Variants in IPO11 observed in about 807,000 individuals in gnomAD.
IPO11 encodes the protein importin 11.
A neutral mutation model predicts 143.2 loss-of-function variants in IPO11; 66 were observed. The observed-to-expected ratio is 0.46, with a 90% CI of 0.38 to 0.57. The LOEUF (loss-of-function observed/expected upper bound fraction) is 0.57. Ranked by LOEUF, IPO11 falls within the 20% of genes least tolerant of loss-of-function variation. The pLI, the probability that IPO11 is intolerant of heterozygous loss-of-function variation, is 0.00. For synonymous variants in IPO11, 385 were observed against 377.8 expected (o/e 1.02, Z -0.22); for missense variants, 1,026 against 1,141.0 (o/e 0.90, Z 1.45).
At chr5:62,493,815 C>A (rs1741030864) in intron 15 of IPO11, among the ~76,000 whole-genome samples, 183 bp from the exon 16 acceptor site, 1 of 152,086 alleles carries the variant, frequency 6.6e-6, no homozygotes, top group Non-Finnish European at 1.5e-5. Flanking sequence ...GTGATTTGCC[C>A]TCCTTGGCAT....
rs578148008 is a variant in IPO11, at chr5:62,563,276, A to G, written c.2582+2019A>G. Among the ~76,000 whole-genome samples, 6 of 152,290 alleles carry G rather than the reference A, an allele frequency of 3.9e-5. No individual in the cohort carries two copies. The South Asian group carries it at 1.2e-3, about 32-fold the overall frequency. On this transcript the variant is annotated intron_variant, in intron 27 of 29. Coordinates refer to ENST00000325324, the MANE Select transcript of IPO11 (RefSeq NM_016338.5). ...AACATGGTCCTTGGTGGTAGTCAGCACTCTGCTTGTTAGATAAATTAATGA... is the reference window on the plus strand; with the variant it reads ...AACATGGTCCTTGGTGGTAGTCAGCGCTCTGCTTGTTAGATAAATTAATGA...
At chr5:62,596,274 A>AAAAAAAAAAAAAAAAAAAAAAAG (rs1554057521) in intron 28 of IPO11, among the ~76,000 whole-genome samples, 1 of 150,788 alleles carries the variant, frequency 6.6e-6, no homozygotes, top group African/African-American at 2.5e-5. Context: ...GTCTCAAAAA[A>AAAAAAAAAAAAAAAAAAAAAAAG]AAAAAAAAAG....
intron 27 of IPO11, among the ~76,000 whole-genome samples, chr5:62,572,836 G>A (rs990173108): frequency 3.3e-5 from 5 of 152,082 alleles, no homozygotes; most frequent in African/African-American, 1.2e-4. Flanking sequence ...GCCTGCCTGG[G>A]CCTCCCAATA....
chr5:62,560,509 C>T (rs572255266), intron 26 of IPO11, among the ~76,000 whole-genome samples: 8 of 152,314 alleles, frequency 5.3e-5, no homozygotes, highest in Admixed American at 3.3e-4. Flanking sequence ...ATCACATCTA[C>T]GTAATACTGT....
chr5:62,529,158 A>G (rs58438382), intron 21 of IPO11, among the ~76,000 whole-genome samples: 26 of 152,274 alleles, frequency 1.7e-4, no homozygotes, highest in African/African-American at 6.0e-4. Flanking sequence ...ATCTTAATAT[A>G]AACATTTAAT....
intron 15 of IPO11, among the ~76,000 whole-genome samples, chr5:62,492,570 G>A (rs889813680): frequency 1.3e-5 from 2 of 151,954 alleles, no homozygotes; most frequent in Non-Finnish European, 2.9e-5. Context: ...TTGAGATGGG[G>A]TCTCACTTTG....
intron 27 of IPO11, among the ~76,000 whole-genome samples, chr5:62,585,314 C>T (rs927761647): frequency 2.6e-5 from 4 of 152,184 alleles, no homozygotes; most frequent in Admixed American, 2.0e-4. Flanking sequence ...TCTATGAAAG[C>T]ATCCTTTAAC....
intron 13 of IPO11, among the ~76,000 whole-genome samples, chr5:62,488,519 C>CAGTT (rs1277748575): frequency 6.6e-6 from 1 of 152,138 alleles, no homozygotes; most frequent in Non-Finnish European, 1.5e-5. Flanking sequence ...GACAAGGAAA[C>CAGTT]AGTTACCTCA....
Position 62,494,091 on chromosome 5 carries a change from A to T in IPO11, c.1557A>T (p.Ala519=), listed in dbSNP as rs765422065. 1.1e-5 allele frequency: 17 copies of T among 1,612,408 alleles called. No homozygotes were observed. Among genetic ancestry groups the T allele is most frequent in the Non-Finnish European group, 1.4e-5 (16 of 1,179,222 alleles). ...ACTTAAGACCCATGCTTTATGAAGC[A>T]ATCTGTAACTTGCTTCAAGATCAAG... ...KSDLRPMLYE[A]ICNLLQDQDL... The change falls in exon 16 of 30, where the codon GCA becomes GCT. Residue 519 remains alanine, a synonymous_variant. Coordinates refer to ENST00000325324, the MANE Select transcript of IPO11 (RefSeq NM_016338.5).
chr5:62,627,527 A>T lies in IPO11; in HGVS notation c.*209A>T. On this transcript the variant is annotated 3_prime_UTR_variant, in exon 30 of 30. Transcript: ENST00000325324. ...ATTCCTCAAAAGAATTTAATTTTAT[A>T]TTTATGAGGGGGCCCTTCACTAAAA... is the stretch of plus-strand genomic sequence containing the variant. 2 of 430,712 alleles carry T rather than the reference A, an allele frequency of 4.6e-6. No homozygotes were observed. Among genetic ancestry groups the T allele is most frequent in the Non-Finnish European group, 8.1e-6 (2 of 248,166 alleles). 26.7% of individuals were successfully genotyped at this position (430,712 alleles called of 1,614,324 possible). A position where few individuals can be genotyped will look rare whatever the true frequency, so the allele number is the denominator to read the frequency against.
intron 29 of IPO11, among the ~76,000 whole-genome samples, chr5:62,605,068 A>G (rs766071272): frequency 5.3e-5 from 8 of 152,206 alleles, no homozygotes; most frequent in Non-Finnish European, 1.0e-4. Context: ...ATGGTTATGA[A>G]TTATTCTTTA....
chr5:62,569,038 A>AAG (rs1188911389), intron 27 of IPO11, among the ~76,000 whole-genome samples: 3 of 152,152 alleles, frequency 2.0e-5, no homozygotes, highest in African/African-American at 7.2e-5. Context: ...TTCCCAGGCA[A>AAG]AGGCCTTTGC....
At chr5:62,569,294 C>A (rs1203032182) in intron 27 of IPO11, among the ~76,000 whole-genome samples, 1 of 152,168 alleles carries the variant, frequency 6.6e-6, no homozygotes, top group Non-Finnish European at 1.5e-5. Flanking sequence ...GTTCTTTCTT[C>A]CCCTTTCAAT....
intron 1 of IPO11, among the ~76,000 whole-genome samples, chr5:62,435,084 G>GTA (rs1333119780): frequency 3.9e-4 from 20 of 51,710 alleles, no homozygotes; most frequent in African/African-American, 9.3e-4. Flanking sequence ...ATATATATGT[G>GTA]TATATATGTA....
chr5:62,586,033 G>A (rs1326149504), intron 27 of IPO11, among the ~76,000 whole-genome samples: 2 of 152,100 alleles, frequency 1.3e-5, no homozygotes, highest in Non-Finnish European at 2.9e-5. Flanking sequence ...TCATAAGTTT[G>A]GTGTTGGATC....
chr5:62,571,745 G>T (rs1298003943), intron 27 of IPO11, among the ~76,000 whole-genome samples: 2 of 151,238 alleles, frequency 1.3e-5, no homozygotes, highest in East Asian at 3.9e-4. Context: ...GAGTACAGTG[G>T]CACAATCTCA....
intron 2 of IPO11, 109 bp from the exon 3 acceptor site, chr5:62,442,874 A>AAAACAAAACAAAACG (rs1744543331): frequency 1.6e-6 from 1 of 640,072 alleles, no homozygotes; most frequent in East Asian, 3.3e-5. Context: ...AAAACAAAAC[A>AAAACAAAACAAAACG]AAACAAAACA....
chr5:62,519,057 T>G (rs1366811586), intron 20 of IPO11, among the ~76,000 whole-genome samples: 1 of 152,092 alleles, frequency 6.6e-6, no homozygotes, highest in African/African-American at 2.4e-5. Context: ...GCGGGGCACA[T>G]TAGGGAAGGC....
chr5:62,470,883 A>G, intron 7 of IPO11, among the ~76,000 whole-genome samples: 1 of 118,516 alleles, frequency 8.4e-6, no homozygotes, highest in Admixed American at 1.2e-4. Flanking sequence ...GCTGGAGTGC[A>G]GTGGTGCAGT....
Sources: allele counts gnomAD v4.1 joint callset (sites outside exome capture counted in the v4.1 genomes callset), GRCh38; gene constraint gnomAD v4.1.1; transcripts MANE v1.5; gene names NCBI Gene and HGNC (gene_info 2026-07-23, HGNC 2026-07-21).